The following CASR variants were observed in gnomAD, a reference collection of about 807,000 sequenced individuals.
The protein encoded by CASR is extracellular calcium-sensing receptor.
A neutral mutation model predicts 69.1 loss-of-function variants in CASR; 23 were observed. The ratio of observed to expected loss-of-function variants is 0.33; its 90% CI spans 0.24 to 0.47. The LOEUF is 0.47. Ranked by LOEUF, CASR falls within the 20% of genes least tolerant of loss-of-function variation. The pLI, the probability that CASR is intolerant of heterozygous loss-of-function variation, is 1.00. For missense variants in CASR, 924 were observed against 1,356.1 expected (o/e 0.68, Z 5.00); for synonymous variants, 541 against 544.7 (o/e 0.99, Z 0.10).
At position 122,284,692 on chromosome 3, in the gene CASR, C is replaced by T. The variant is rs751273631; in HGVS notation, c.2738C>T (p.Ser913Phe). The T allele has an allele frequency of 1.2e-6, 2 of 1,613,658 alleles. No homozygotes were observed. The highest frequency in any genetic ancestry group is 1.7e-6 in the Non-Finnish European group (2 of 1,179,566). ...GGSTGSTPSS[S>F]ISSKSNSEDP... is the part of the protein sequence containing the mutation. ...TCCACGGGATCCACCCCCTCCTCCTCCATCAGCAGCAAGAGCAACAGCGAA... is the reference window on the plus strand; with the variant it reads ...TCCACGGGATCCACCCCCTCCTCCTTCATCAGCAGCAAGAGCAACAGCGAA... Residue 913 changes from serine (S) to phenylalanine (F), a missense_variant, in exon 7 of 7, where the codon TCC becomes TTC. This residue lies in a region of CASR where 201 missense variants were observed against 228.8 expected (regional missense o/e 0.88). Coordinates refer to ENST00000639785, the MANE Select transcript of CASR (RefSeq NM_000388.4).
intron 1 of CASR, among the ~76,000 whole-genome samples, chr3:122,217,142 G>A (rs1449520032): frequency 3.3e-5 from 5 of 149,438 alleles, no homozygotes; most frequent in Admixed American, 6.6e-5. Flanking sequence ...GTCTGGCTCT[G>A]TCACCCATGC....
At chr3:122,282,057 G>T in intron 5 of CASR, 56 bp from the exon 6 acceptor site, 1 of 1,613,718 alleles carries the variant, frequency 6.2e-7, no homozygotes, top group Non-Finnish European at 8.5e-7. Flanking sequence ...AGACAGTAGG[G>T]CTGGCCCCTG....
intron 1 of CASR, among the ~76,000 whole-genome samples, chr3:122,248,142 C>T (rs1385165333): frequency 2.6e-5 from 4 of 152,114 alleles, no homozygotes; most frequent in Admixed American, 2.0e-4. Flanking sequence ...CCCCCAGTGC[C>T]GAAAGAGGGC....
intron 1 of CASR, among the ~76,000 whole-genome samples, chr3:122,189,646 A>T (rs1031478594): frequency 1.3e-5 from 2 of 152,240 alleles, no homozygotes; most frequent in African/African-American, 4.8e-5. Context: ...CACACATGCA[A>T]GTAAAATTAC....
At chr3:122,207,180 G>A (rs977805632) in intron 1 of CASR, among the ~76,000 whole-genome samples, 1 of 151,906 alleles carries the variant, frequency 6.6e-6, no homozygotes, top group Non-Finnish European at 1.5e-5. Context: ...GGGAGAGATA[G>A]ACTGCAATAC....
rs35187730 is a variant in CASR, at chr3:122,283,352, C to G, written c.1733-335C>G. ...AGAGTTGATGGACCATGCTAGACCT[C>G]TGGTGTGCAGGGCAGCCACCTGTCC... On this transcript the variant is annotated intron_variant, in intron 6 of 6. Transcript: ENST00000639785. Among the ~76,000 whole-genome samples the G allele has an allele frequency of 7.9e-3, 1,198 of 152,326 alleles. 12 individuals are homozygous for G. The highest frequency in any genetic ancestry group is 0.028 in the African/African-American group (1,157 of 41,566).
chr3:122,244,815 AC>A (rs1457867512), intron 1 of CASR, among the ~76,000 whole-genome samples: 1 of 152,172 alleles, frequency 6.6e-6, no homozygotes, highest in Non-Finnish European at 1.5e-5. Flanking sequence ...ATAGATAATA[AC>A]AAATAGGATG....
intron 1 of CASR, among the ~76,000 whole-genome samples, chr3:122,223,958 A>G (rs1219383900): frequency 5.9e-5 from 9 of 152,232 alleles, no homozygotes; most frequent in Non-Finnish European, 1.3e-4. Context: ...ATCTCAATAG[A>G]TGCAGAAAAG....
At chr3:122,218,344 G>A (rs1021099332) in intron 1 of CASR, among the ~76,000 whole-genome samples, 1 of 151,758 alleles carries the variant, frequency 6.6e-6, no homozygotes, top group Non-Finnish European at 1.5e-5. Flanking sequence ...GACCAGCCTG[G>A]CCAACATGGT....
chr3:122,252,402 GGAAGGAA>G, intron 1 of CASR, among the ~76,000 whole-genome samples: 1 of 4,732 alleles, frequency 2.1e-4, no homozygotes, highest in African/African-American at 6.8e-4. Flanking sequence ...AAGGAAGGAA[GGAAGGAA>G]AAAGAAAGAA....
intron 1 of CASR, among the ~76,000 whole-genome samples, chr3:122,251,743 C>T (rs1172340787): frequency 6.6e-6 from 1 of 152,188 alleles, no homozygotes; most frequent in Non-Finnish European, 1.5e-5. Context: ...TCATTAAAGC[C>T]AGTATTTTCT....
intron 2 of CASR, among the ~76,000 whole-genome samples, chr3:122,255,003 A>G (rs1318932039): frequency 6.7e-6 from 1 of 149,730 alleles, no homozygotes; most frequent in African/African-American, 2.5e-5. Context: ...CACTCTCTCA[A>G]TAGATTCTCT....
chr3:122,227,376 C>G (rs1354099897), intron 1 of CASR, among the ~76,000 whole-genome samples: 2 of 152,204 alleles, frequency 1.3e-5, no homozygotes, highest in Admixed American at 1.3e-4. Flanking sequence ...CACGGGGAGG[C>G]AGCTAAGGCC....
chr3:122,207,170 G>T (rs1472079310), intron 1 of CASR, among the ~76,000 whole-genome samples: 2 of 151,920 alleles, frequency 1.3e-5, no homozygotes, highest in Non-Finnish European at 2.9e-5. Flanking sequence ...TAGCTCTAAA[G>T]GGAGAGATAG....
intron 1 of CASR, among the ~76,000 whole-genome samples, chr3:122,248,778 T>A (rs186273989): frequency 1.3e-4 from 20 of 152,300 alleles, no homozygotes; most frequent in Admixed American, 1.1e-3. Flanking sequence ...TCCAGAAATG[T>A]TGAGGCCAAG....
intron 1 of CASR, among the ~76,000 whole-genome samples, chr3:122,226,633 C>T (rs2074225681): frequency 6.6e-6 from 1 of 152,102 alleles, no homozygotes; most frequent in Admixed American, 6.6e-5. Flanking sequence ...TGCAAAAGTT[C>T]TCCATGTCCA....
chr3:122,276,172 C>A (rs1384833306), intron 5 of CASR, 130 bp downstream of exon 5: 2 of 709,144 alleles, frequency 2.8e-6, no homozygotes, highest in African/African-American at 3.5e-5. Flanking sequence ...ACTCTCTGGC[C>A]TTTGCAATCT....
At chr3:122,265,377 A>C (rs188990128) in intron 4 of CASR, among the ~76,000 whole-genome samples, 1 of 152,130 alleles carries the variant, frequency 6.6e-6, no homozygotes, top group African/African-American at 2.4e-5. Context: ...CATACAACTC[A>C]CAATTGCCTC....
intron 1 of CASR, among the ~76,000 whole-genome samples, chr3:122,218,506 C>T (rs9850411): frequency 0.68 from 100,760 of 147,316 alleles, 34,617 homozygotes; most frequent in Admixed American, 0.79. Flanking sequence ...TGCACTCCAG[C>T]GACAGAGTTC....
Sources: gnomAD v4.1 joint callset for allele counts (sites outside exome capture counted in the v4.1 genomes callset) on GRCh38, gnomAD v4.1.1 for gene constraint, gnomAD v4.1.1 regional missense constraint, MANE v1.5 for transcripts, NCBI Gene and HGNC (gene_info 2026-07-23, HGNC 2026-07-21) for gene names.